The following REC114 variants were observed in gnomAD, a reference collection of about 807,000 sequenced individuals.
REC114 encodes REC114 meiotic recombination protein, also known as meiotic recombination protein REC114.
A neutral mutation model predicts 31.3 loss-of-function variants in REC114; 27 were observed. That is an observed-to-expected ratio of 0.86 (90% CI 0.64 to 1.19). REC114 has a LOEUF of 1.19. REC114 is among the 50% of genes most tolerant of loss of function. The pLI, the probability that REC114 is intolerant of heterozygous loss-of-function variation, is 0.00. For synonymous variants in REC114, 134 were observed against 127.7 expected, an observed-to-expected ratio of 1.05 and a Z score of -0.33; for missense variants, 344 against 326.9, an observed-to-expected ratio of 1.05 and a Z score of -0.40.
At chr15:73,454,667 TA>T (rs375264108) in intron 1 of REC114, among the ~76,000 whole-genome samples, 54 of 152,326 alleles carry the variant, frequency 3.5e-4, no homozygotes, top group African/African-American at 1.2e-3. Flanking sequence ...GAAGAAGAGT[TA>T]AATATAAGGA....
chr15:73,449,838 A>G (rs796249146), intron 1 of REC114, among the ~76,000 whole-genome samples: 22 of 152,360 alleles, frequency 1.4e-4, no homozygotes, highest in African/African-American at 5.0e-4. Flanking sequence ...AGTGAGGGCC[A>G]GTATTCAATA....
intron 2 of REC114, among the ~76,000 whole-genome samples, chr15:73,524,395 A>G (rs1893978480): frequency 6.6e-6 from 1 of 152,216 alleles, no homozygotes; most frequent in African/African-American, 2.4e-5. Context: ...ATCAGTTTGC[A>G]AGGAGAAAAT....
intron 5 of REC114, among the ~76,000 whole-genome samples, chr15:73,557,434 GAAAA>G (rs999333655): frequency 7.5e-6 from 1 of 133,760 alleles, no homozygotes; most frequent in Admixed American, 7.3e-5. Flanking sequence ...AAAAAAAAAA[GAAAA>G]AAAGGGTTTT....
intron 2 of REC114, among the ~76,000 whole-genome samples, chr15:73,495,304 G>A (rs533866298): frequency 2.0e-5 from 3 of 151,572 alleles, no homozygotes; most frequent in African/African-American, 7.3e-5. Context: ...TATTTTTAGA[G>A]CTCTTGTTTA....
chr15:73,471,696 C>T (rs188521616), intron 1 of REC114, among the ~76,000 whole-genome samples: 1 of 152,034 alleles, frequency 6.6e-6, no homozygotes, highest in Admixed American at 6.6e-5. Flanking sequence ...GTGAGTGTTT[C>T]TATCCAACAA....
At chr15:73,512,895 A>G (rs1893793832) in intron 2 of REC114, among the ~76,000 whole-genome samples, 1 of 151,022 alleles carries the variant, frequency 6.6e-6, no homozygotes. Context: ...CTTTATTTCA[A>G]CTTTGGTGAA....
At chr15:73,460,900 T>C (rs911748627) in intron 1 of REC114, among the ~76,000 whole-genome samples, 1 of 152,008 alleles carries the variant, frequency 6.6e-6, no homozygotes, top group African/African-American at 2.4e-5. Flanking sequence ...ACATGGAAAG[T>C]GTTTTGAGTA....
In REC114 at chr15:73,518,587, C is replaced by G. The variant is rs189047909; in HGVS notation, c.250-21898C>G. Among the ~76,000 whole-genome samples the G allele has an allele frequency of 2.0e-5, 3 of 152,312 alleles. No homozygotes were observed. In the East Asian group the frequency reaches 5.8e-4, roughly 29 times the overall value. On this transcript the variant is annotated intron_variant, in intron 2 of 5. Coordinates refer to ENST00000331090, the MANE Select transcript of REC114 (RefSeq NM_001042367.2). ...AATTAGATATGCTGACAGGCCAGGC[C>G]TGAATCACCTGCTCACCCCTGGAGG... is the stretch of plus-strand genomic sequence containing the variant.
intron 1 of REC114, among the ~76,000 whole-genome samples, chr15:73,469,680 CTTTT>C (rs767748185): frequency 8.4e-6 from 1 of 118,940 alleles, no homozygotes; most frequent in Non-Finnish European, 1.7e-5. Flanking sequence ...GCCTTAGACT[CTTTT>C]TTTTTTTTTT....
intron 1 of REC114, among the ~76,000 whole-genome samples, chr15:73,447,246 A>G (rs1178471197): frequency 1.3e-5 from 2 of 152,164 alleles, no homozygotes; most frequent in South Asian, 2.1e-4. Context: ...GTGGTTGGGT[A>G]TATTGGTCTA....
intron 3 of REC114, among the ~76,000 whole-genome samples, chr15:73,543,503 A>G (rs903743958): frequency 1.3e-5 from 2 of 151,974 alleles, no homozygotes; most frequent in East Asian, 1.9e-4. Context: ...CTAATTTTGT[A>G]TTTTTAGGAG....
chr15:73,444,442 A>G (rs570901338), intron 1 of REC114, among the ~76,000 whole-genome samples: 89 of 152,246 alleles, frequency 5.8e-4, no homozygotes, highest in Non-Finnish European at 1.0e-3. Context: ...CACCAGGAGT[A>G]GATGCCATCT....
intron 2 of REC114, among the ~76,000 whole-genome samples, chr15:73,485,613 G>A (rs1299635238): frequency 3.9e-5 from 6 of 152,112 alleles, no homozygotes; most frequent in Admixed American, 3.9e-4. Context: ...AGTGTGTGGC[G>A]CTTGCTCACC....
chr15:73,531,818 T>G (rs181920209), intron 2 of REC114, among the ~76,000 whole-genome samples: 71 of 152,222 alleles, frequency 4.7e-4, no homozygotes, highest in Non-Finnish European at 9.4e-4. Context: ...AGCCCTTATT[T>G]CTACTCCATC....
rs558538989 is a variant in REC114 at position 73,524,351 on chromosome 15, T to C, written c.250-16134T>C. ...CATTTTAAGAAAGGATGAGACAATG[T>C]TGAAGATAAAGCCCATAGTGGCAGA... On this transcript the variant is annotated intron_variant, in intron 2 of 5. Transcript: ENST00000331090. 2.0e-5 allele frequency among the ~76,000 whole-genome samples: 3 copies of C among 152,312 alleles called. No individual in the cohort carries two copies. The South Asian group carries it at 6.2e-4, about 32-fold the overall frequency.
At chr15:73,539,282 ATTT>A (rs753968018) in intron 2 of REC114, among the ~76,000 whole-genome samples, 216 of 70,786 alleles carry the variant, frequency 3.1e-3, no homozygotes, top group African/African-American at 0.013. Context: ...TTCAGAACTG[ATTT>A]TTTTTTTTTT....
At chr15:73,511,238 T>A (rs973214648) in intron 2 of REC114, among the ~76,000 whole-genome samples, 23 of 152,280 alleles carry the variant, frequency 1.5e-4, no homozygotes, top group African/African-American at 2.9e-4. Context: ...CGTAGAGGTG[T>A]TTGTAGTATT....
In REC114 at chr15:73,559,845, G is replaced by T; in HGVS notation, c.730G>T (p.Asp244Tyr). ...CCCCTTCCTACGTTTGTGCCTTATG[G>T]ATCAGAATTTCCCAGCATTTGTGGA... ...LGPFLRLCLM[D>Y]QNFPAFVEEV... Residue 244 changes from aspartate to tyrosine, a missense_variant, in exon 6 of 6, where the codon GAT becomes TAT. Coordinates refer to ENST00000331090, the MANE Select transcript of REC114 (RefSeq NM_001042367.2). 6.2e-7 allele frequency: 1 copy of T among 1,612,568 alleles called. No homozygotes were observed. The highest frequency in any genetic ancestry group is 8.5e-7 in the Non-Finnish European group (1 of 1,179,298).
chr15:73,516,514 G>A (rs1424282144), intron 2 of REC114, among the ~76,000 whole-genome samples: 1 of 152,134 alleles, frequency 6.6e-6, no homozygotes, highest in Non-Finnish European at 1.5e-5. Flanking sequence ...CCCAGGCTGA[G>A]TCCTGAGAAG....
Sources: allele counts gnomAD v4.1 joint callset (sites outside exome capture counted in the v4.1 genomes callset), GRCh38; gene constraint gnomAD v4.1.1; transcripts MANE v1.5; gene names NCBI Gene and HGNC (gene_info 2026-07-23, HGNC 2026-07-21).